The following XPO5 variants were observed in gnomAD, a reference collection of about 807,000 sequenced individuals.
The protein encoded by XPO5 is exportin 5, also known as exportin-5.
In XPO5, 46 loss-of-function variants were observed where a neutral mutation model predicts 160.6. That is an observed-to-expected ratio of 0.29 (90% CI 0.23 to 0.37). The LOEUF is 0.37. Ranked by LOEUF, XPO5 falls within the 10% of genes least tolerant of loss-of-function variation. The pLI, the probability that XPO5 is intolerant of heterozygous loss-of-function variation, is 1.00. For missense variants in XPO5, 1,090 were observed against 1,463.9 expected (o/e 0.74, Z 4.17); for synonymous variants, 537 against 519.3 (o/e 1.03, Z -0.46).
rs755579501 is a variant in XPO5 at position 43,567,261 on chromosome 6, A to G, written c.742T>C (p.Cys248Arg). 1 of 1,614,020 alleles carries G rather than the reference A, an allele frequency of 6.2e-7. No individual in the cohort carries two copies. Among genetic ancestry groups the G allele is most frequent in the South Asian group, 1.1e-5 (1 of 91,078 alleles). ...AAACACAGTATCTCCAGGAGTTTAC[A>G]GTTTTCAGCAGTGATGTGACTCATA... is the stretch of plus-strand genomic sequence containing the variant. ...VSMSHITAEN[C>R]KLLEILCLLL... The change falls in exon 7 of 32, where the codon TGT becomes CGT. Residue 248 changes from cysteine to arginine, a missense_variant. Coordinates refer to ENST00000265351, the MANE Select transcript of XPO5 (RefSeq NM_020750.3).
intron 23 of XPO5, chr6:43,529,489 G>C (rs1793821536): frequency 1.8e-5 from 5 of 273,924 alleles, no homozygotes; most frequent in South Asian, 1.6e-4. Context: ...GGGAGGCGAA[G>C]CTTGCAGTGA....
At chr6:43,569,880 T>C (rs1031531803) in intron 5 of XPO5, among the ~76,000 whole-genome samples, 24 of 151,924 alleles carry the variant, frequency 1.6e-4, no homozygotes, top group African/African-American at 5.6e-4. Context: ...GTCAGGAGTT[T>C]GAGACTAGCC....
At chr6:43,552,581 G>A (rs1367662426) in intron 14 of XPO5, among the ~76,000 whole-genome samples, 1 of 152,168 alleles carries the variant, frequency 6.6e-6, no homozygotes. Flanking sequence ...TGGAACTCCT[G>A]AACTCAAGTG....
Position 43,560,928 on chromosome 6 carries a change from C to G in XPO5, c.1091G>C (p.Ser364Thr). Residue 364 changes from serine to threonine, a missense_variant, in exon 10 of 32, where the codon AGT becomes ACT. By Grantham distance (58) the Ser-to-Thr change is moderately conservative (BLOSUM62 1). Around this residue, in one of 3 missense-constraint regions of XPO5, gnomAD observed 810 missense variants for 1,139.0 expected, o/e 0.71. Transcript: ENST00000265351. ...AGTTACCTGTATAAAGTTTACCTGA[C>G]TTGGATGGGTTGTGAAAGCAAGAAA... ...ESFLAFTTHP[S>T]QFLRSSTQMT... 6.2e-7 allele frequency: 1 copy of G among 1,613,780 alleles called. No individual in the cohort carries two copies. Among genetic ancestry groups the G allele is most frequent in the Non-Finnish European group, 8.5e-7 (1 of 1,179,712 alleles).
chr6:43,535,374 G>A (rs1794251491), intron 20 of XPO5, among the ~76,000 whole-genome samples: 2 of 152,168 alleles, frequency 1.3e-5, no homozygotes, highest in Middle Eastern at 3.4e-3. Context: ...TGGATCATCT[G>A]AGGTCAGGAG....
At chr6:43,539,534 T>C (rs1291898888) in intron 20 of XPO5, 34 of 1,489,180 alleles carry the variant, frequency 2.3e-5, no homozygotes, top group Non-Finnish European at 3.0e-5. Flanking sequence ...CCACTCCTTA[T>C]CTTTGGCCTT....
At chr6:43,548,053 A>C (rs1022941452) in intron 18 of XPO5, among the ~76,000 whole-genome samples, 23 of 152,204 alleles carry the variant, frequency 1.5e-4, no homozygotes, top group Admixed American at 1.3e-3. Flanking sequence ...TGCAGACACC[A>C]CAGGAGTCTC....
intron 19 of XPO5, 51 bp downstream of exon 19, chr6:43,547,550 ACAACACC>A: frequency 6.6e-7 from 1 of 1,525,410 alleles, no homozygotes; most frequent in Non-Finnish European, 9.1e-7. Context: ...TTGACAAAAG[ACAACACC>A]CTACTCCTAC....
At chr6:43,565,462 G>A (rs1397310016) in intron 8 of XPO5, among the ~76,000 whole-genome samples, 198 bp downstream of exon 8, 1 of 151,936 alleles carries the variant, frequency 6.6e-6, no homozygotes, top group African/African-American at 2.4e-5. Flanking sequence ...CTACTCGGGA[G>A]GCTGAGGCAG....
chr6:43,567,375 T>G, intron 6 of XPO5, 21 bp from the exon 7 acceptor site: 1 of 1,585,794 alleles, frequency 6.3e-7, no homozygotes, highest in Non-Finnish European at 8.6e-7. Context: ...AGAAGTAACT[T>G]TGGACCATGA....
Position 43,573,490 on chromosome 6 carries a change from G to A in XPO5, c.217C>T (p.His73Tyr), listed in dbSNP as rs781728045. The part of the protein sequence containing the change: ...VRHFGLQILE[H>Y]VVKFRWNGMS... ...CCAAGAGCTCCTTACTTGACAACGT[G>A]TTCCAGGATCTGAAGGCCAAAATGT... is the stretch of plus-strand genomic sequence containing the variant. Residue 73 changes from histidine to tyrosine, a missense_variant, in exon 2 of 32, where the codon CAC becomes TAC. Around this residue, in one of 3 missense-constraint regions of XPO5, gnomAD observed 170 missense variants for 227.0 expected, o/e 0.75. Transcript: ENST00000265351. 6.2e-7 allele frequency: 1 copy of A among 1,613,268 alleles called. No homozygotes were observed. The highest frequency in any genetic ancestry group is 8.5e-7 in the Non-Finnish European group (1 of 1,179,502).
chr6:43,548,271 C>G lies in XPO5; in HGVS notation c.2050G>C (p.Asp684His). 1 of 1,609,520 alleles carries G rather than the reference C, an allele frequency of 6.2e-7. No homozygotes were observed. Among genetic ancestry groups the G allele is most frequent in the Non-Finnish European group, 8.5e-7 (1 of 1,177,324 alleles). Residue 684 changes from aspartate to histidine, a missense_variant, in exon 18 of 32, where the codon GAC becomes CAC. Physicochemically the swap from Asp to His is moderately conservative, Grantham distance 81. Around this residue, in one of 3 missense-constraint regions of XPO5, gnomAD observed 810 missense variants for 1,139.0 expected, o/e 0.71. Transcript: ENST00000265351. ...APVASIWLSQ[D>H]MHRVLSDVDA... ...AGGGATCTCCTTTACCTGTGCATGT[C>G]TTGAGAAAGCCAGATGCTGGCCACT... is the stretch of plus-strand genomic sequence containing the variant.
chr6:43,576,028 G>T lies in XPO5; in HGVS notation c.-164C>A. 1.7e-6 allele frequency: 1 copy of T among 591,446 alleles called. No homozygotes were observed. The highest frequency in any genetic ancestry group is 2.2e-5 in the South Asian group (1 of 45,884). The allele number at this position is 591,446 out of a possible 1,614,324, so 36.6% of individuals were successfully genotyped here. A position where few individuals can be genotyped will look rare whatever the true frequency, so the allele number is the denominator to read the frequency against. ...AGCAACTCGCGCTGGGAAGAAGCCGGCGCTGCGCACGCGCCCGGCCCGCCA... is the reference window on the plus strand; with the variant it reads ...AGCAACTCGCGCTGGGAAGAAGCCGTCGCTGCGCACGCGCCCGGCCCGCCA... On this transcript the variant is annotated 5_prime_UTR_variant, in exon 1 of 32. Coordinates refer to ENST00000265351, the MANE Select transcript of XPO5 (RefSeq NM_020750.3).
Position 43,522,816 on chromosome 6 carries a change from T to TA in XPO5, c.*1051_*1052insT. 1 of 362,958 alleles carries TA rather than the reference T, an allele frequency of 2.8e-6. No homozygotes were observed. Among genetic ancestry groups the TA allele is most frequent in the Non-Finnish European group, 6.2e-6 (1 of 160,758 alleles). The allele number at this position is 362,958 out of a possible 1,614,324, so 22.5% of individuals were successfully genotyped here. A position where few individuals can be genotyped will look rare whatever the true frequency, so the allele number is the denominator to read the frequency against. On this transcript the variant is annotated 3_prime_UTR_variant, in exon 32 of 32. Transcript: ENST00000265351. ...CTCTGCCTTACGGCCAGTAATAACCTCAGGGCCAGGTCCCGTATCCATGTC... is the reference window on the plus strand; with the variant it reads ...CTCTGCCTTACGGCCAGTAATAACCTACAGGGCCAGGTCCCGTATCCATGTC...
chr6:43,575,676 C>T, intron 1 of XPO5, 84 bp downstream of exon 1: 1 of 1,274,390 alleles, frequency 7.8e-7, no homozygotes, highest in Admixed American at 1.9e-5. Flanking sequence ...GGGCGGGAGA[C>T]TACCCCAGTT....
At chr6:43,562,370 T>C (rs1424413534) in intron 8 of XPO5, 24 bp from the exon 9 acceptor site, 2 of 1,537,084 alleles carry the variant, frequency 1.3e-6, no homozygotes, top group African/African-American at 2.7e-5. Context: ...ATTCCTTATA[T>C]CACCAACAAA....
chr6:43,553,259 G>T, intron 14 of XPO5, 114 bp downstream of exon 14: 1 of 1,309,866 alleles, frequency 7.6e-7, no homozygotes, highest in Non-Finnish European at 1.0e-6. Context: ...CTATGATTGT[G>T]CCACTGCATT....
Position 43,524,981 on chromosome 6 carries a change from CTG to C in XPO5, c.3175-15_3175-14del. 1.9e-6 allele frequency: 3 copies of C among 1,611,960 alleles called. No homozygotes were observed. The highest frequency in any genetic ancestry group is 2.5e-6 in the Non-Finnish European group (3 of 1,179,338). ...TCCCTGACAGCACCTGGGGAGACAA[CTG>C]TGCTTTAGGGCCACAGGGGGCCTCT... On this transcript the variant is annotated splice_polypyrimidine_tract_variant and intron_variant, in intron 29 of 31. Coordinates refer to ENST00000265351, the MANE Select transcript of XPO5 (RefSeq NM_020750.3).
At chr6:43,527,412 C>T (rs1793665482) in intron 26 of XPO5, 1 of 412,924 alleles carries the variant, frequency 2.4e-6, no homozygotes, top group Non-Finnish European at 4.4e-6. Flanking sequence ...GCTGGGACTA[C>T]AGGCCTGCGC....
Sources: allele counts gnomAD v4.1 joint callset (sites outside exome capture counted in the v4.1 genomes callset), GRCh38; gene constraint gnomAD v4.1.1; regional missense constraint gnomAD v4.1.1; transcripts MANE v1.5; gene names NCBI Gene and HGNC (gene_info 2026-07-23, HGNC 2026-07-21).